Variants in ZNF367 observed in about 807,000 individuals in gnomAD.
The protein encoded by ZNF367 is C2H2 zinc finger protein ZFF29.
ZNF367 carries 11 observed loss-of-function variants against 31.8 expected under a neutral mutation model. The ratio of observed to expected loss-of-function variants is 0.35; its 90% CI spans 0.22 to 0.57. The LOEUF (loss-of-function observed/expected upper bound fraction) is 0.57, where lower values mean the gene tolerates loss of function less well. ZNF367 is among the 20% of genes least tolerant of loss of function. The pLI is 0.85. For synonymous variants in ZNF367, 199 were observed against 202.4 expected (o/e 0.98, Z 0.14); for missense variants, 353 against 484.1 (o/e 0.73, Z 2.54).
rs1831559702 is a variant in ZNF367, at chr9:96,398,282, A to G, written c.453T>C (p.Asp151=). 4 of 1,613,660 alleles carry G rather than the reference A, an allele frequency of 2.5e-6. No homozygotes were observed. The highest frequency in any genetic ancestry group is 1.1e-5 in the South Asian group (1 of 91,016). The change falls in exon 2 of 5, where the codon GAT becomes GAC. Residue 151 remains aspartate, a synonymous_variant. Coordinates refer to ENST00000375256, the MANE Select transcript of ZNF367 (RefSeq NM_153695.4). ...CTTCATTTATTAAATCGCGGACAGT[A>G]TCTGCTCTGGGCCTACCACGTCGGA... is the stretch of plus-strand genomic sequence containing the variant. ...DGIRRGRPRA[D]TVRDLINEGE...
rs796791097 is a variant in ZNF367 at position 96,416,072 on chromosome 9, G to GT, written c.420+1540dup. Among the ~76,000 whole-genome samples, 754 of 139,466 alleles carry GT rather than the reference G, an allele frequency of 5.4e-3. 4 individuals are homozygous for GT. The highest frequency in any genetic ancestry group is 9.6e-3 in the African/African-American group (363 of 37,830). 91.5% of individuals were successfully genotyped at this position (139,466 alleles called of 152,430 possible). A position where few individuals can be genotyped will look rare whatever the true frequency, so the allele number is the denominator to read the frequency against. On this transcript the variant is annotated intron_variant, in intron 1 of 4. Coordinates refer to ENST00000375256, the MANE Select transcript of ZNF367 (RefSeq NM_153695.4). ...AGCCACCTCACCAGGCTCTGTTATGGTTTTTTTTTTTGTTGTTTTTTTTTT... is the reference window on the plus strand; with the variant it reads ...AGCCACCTCACCAGGCTCTGTTATGGTTTTTTTTTTTTGTTGTTTTTTTTTT...
At position 96,387,248 on chromosome 9, in the gene ZNF367, C is replaced by G. The variant is rs1831416632; in HGVS notation, c.*989G>C. The G allele has an allele frequency of 1.3e-5, 2 of 152,120 alleles. No individual in the cohort carries two copies. The highest frequency in any genetic ancestry group is 1.3e-4 in the Admixed American group (2 of 15,270). 9.4% of individuals were successfully genotyped at this position (152,120 alleles called of 1,614,324 possible). On this transcript the variant is annotated 3_prime_UTR_variant, in exon 5 of 5. Coordinates refer to ENST00000375256, the MANE Select transcript of ZNF367 (RefSeq NM_153695.4). The stretch of plus-strand genomic sequence containing the variant: ...ACTCTGAAGTAAAGCAAGAAGGTGG[C>G]TTTATGCACTGAAAATATAAATATG...
intron 1 of ZNF367, among the ~76,000 whole-genome samples, chr9:96,410,054 T>G (rs13302443): frequency 0.025 from 3,844 of 151,554 alleles, 70 homozygotes; most frequent in Middle Eastern, 0.055. Flanking sequence ...GGTGGGTGGA[T>G]CACGAGGTCA....
At chr9:96,390,499 C>T (rs1831459575) in intron 4 of ZNF367, among the ~76,000 whole-genome samples, 1 of 152,098 alleles carries the variant, frequency 6.6e-6, no homozygotes, top group Non-Finnish European at 1.5e-5. Flanking sequence ...CCTCTGGCAG[C>T]AGCATGGAAA....
chr9:96,415,398 T>C (rs1831807896), intron 1 of ZNF367, among the ~76,000 whole-genome samples: 1 of 148,284 alleles, frequency 6.7e-6, no homozygotes, highest in South Asian at 2.1e-4. Flanking sequence ...CACTAGGGGA[T>C]ACCTAGAGGC....
At chr9:96,410,908 A>C (rs112548598) in intron 1 of ZNF367, among the ~76,000 whole-genome samples, 4 of 151,460 alleles carry the variant, frequency 2.6e-5, no homozygotes, top group African/African-American at 9.7e-5. Flanking sequence ...AACAAAAAAA[A>C]CATAGTGGCT....
At chr9:96,403,290 T>C (rs1212266115) in intron 1 of ZNF367, among the ~76,000 whole-genome samples, 1 of 152,084 alleles carries the variant, frequency 6.6e-6, no homozygotes, top group African/African-American at 2.4e-5. Context: ...AAATAGCCGA[T>C]GGGTCAAAGA....
At chr9:96,407,194 G>A (rs1403419406) in intron 1 of ZNF367, 8 of 699,724 alleles carry the variant, frequency 1.1e-5, no homozygotes, top group Admixed American at 9.3e-5. Flanking sequence ...CCCGGCCTGC[G>A]TGGCGTGGGC....
chr9:96,416,170 C>A (rs1473021176), intron 1 of ZNF367, among the ~76,000 whole-genome samples: 1 of 149,394 alleles, frequency 6.7e-6, no homozygotes, highest in Non-Finnish European at 1.5e-5. Flanking sequence ...TCCCTGCAAG[C>A]TCCGCCTCCC....
At chr9:96,414,901 A>G (rs912536599) in intron 1 of ZNF367, among the ~76,000 whole-genome samples, 1 of 152,222 alleles carries the variant, frequency 6.6e-6, no homozygotes, top group Non-Finnish European at 1.5e-5. Context: ...AGATTAATCT[A>G]TAAGAATAAA....
chr9:96,386,138 AGTATATAGC>A lies in ZNF367; in HGVS notation c.*2090_*2098del, dbSNP rs1831407001. ...TTTTAGATACCAATGTATTTTTCCA[AGTATATAGC>A]TTATATCAAAAAGAACATTTTAAAT... On this transcript the variant is annotated 3_prime_UTR_variant, in exon 5 of 5. Coordinates refer to ENST00000375256, the MANE Select transcript of ZNF367 (RefSeq NM_153695.4). 1 of 152,180 alleles carries A rather than the reference AGTATATAGC, an allele frequency of 6.6e-6. No homozygotes were observed. The allele number at this position is 152,180 out of a possible 1,614,324, so 9.4% of individuals were successfully genotyped here.
At chr9:96,388,729 C>G (rs746513423) in intron 4 of ZNF367, among the ~76,000 whole-genome samples, 14 of 152,128 alleles carry the variant, frequency 9.2e-5, no homozygotes, top group Non-Finnish European at 1.5e-4. Context: ...AAACTATCAC[C>G]GCCTTAAAGA....
In ZNF367 at chr9:96,417,565, GC is replaced by G. The variant is rs1831849005; in HGVS notation, c.420+47del. The G allele has an allele frequency of 8.5e-6, 3 of 350,976 alleles. No homozygotes were observed. Among genetic ancestry groups the G allele is most frequent in the East Asian group, 4.6e-5 (1 of 21,862 alleles). The allele number at this position is 350,976 out of a possible 1,614,324, so 21.7% of individuals were successfully genotyped here. On this transcript the variant is annotated intron_variant, in intron 1 of 4. Coordinates refer to ENST00000375256, the MANE Select transcript of ZNF367 (RefSeq NM_153695.4). This position sits in a 1 kb window ranked among gnomAD's most constrained non-coding sequence, Gnocchi z 5.0. ...GCCCCGCCCGCCGCACCGTTAACGG[GC>G]CCCGGCTGCCCCACGTCCCGCCCGC...
intron 4 of ZNF367, among the ~76,000 whole-genome samples, chr9:96,391,311 A>G (rs1831469520): frequency 1.3e-5 from 2 of 152,214 alleles, no homozygotes; most frequent in Non-Finnish European, 2.9e-5. Flanking sequence ...GAAAAGGAAA[A>G]TGAAAGCATC....
intron 1 of ZNF367, among the ~76,000 whole-genome samples, chr9:96,407,116 T>C (rs1831680627): frequency 6.6e-6 from 1 of 151,434 alleles, no homozygotes; most frequent in African/African-American, 2.4e-5. Context: ...GGCCGGAAGT[T>C]AGAGACCAAC....
intron 3 of ZNF367, among the ~76,000 whole-genome samples, chr9:96,392,797 C>G (rs942323113): frequency 2.0e-5 from 3 of 152,176 alleles, no homozygotes; most frequent in Non-Finnish European, 4.4e-5. Context: ...TCAAAATGTT[C>G]AAAATGGCAG....
At chr9:96,394,712 T>C in intron 3 of ZNF367, 111 bp downstream of exon 3, 1 of 1,012,382 alleles carries the variant, frequency 9.9e-7, no homozygotes, top group Non-Finnish European at 1.4e-6. Flanking sequence ...TTATAAAGTT[T>C]TATAAAATTT....
At position 96,386,286 on chromosome 9, in the gene ZNF367, C is replaced by G. The variant is rs1230502318; in HGVS notation, c.*1951G>C. On this transcript the variant is annotated 3_prime_UTR_variant, in exon 5 of 5. Coordinates refer to ENST00000375256, the MANE Select transcript of ZNF367 (RefSeq NM_153695.4). Reference sequence around the variant, plus strand: ...CTGACTGGAGAAACAAGGAAAAACCCTTACTTTTGAAGGCCTTAAATGTTA... The same window carrying G: ...CTGACTGGAGAAACAAGGAAAAACCGTTACTTTTGAAGGCCTTAAATGTTA... The G allele has an allele frequency of 6.6e-6, 1 of 152,058 alleles. No homozygotes were observed. The highest frequency in any genetic ancestry group is 6.6e-5 in the Admixed American group (1 of 15,266). 9.4% of individuals were successfully genotyped at this position (152,058 alleles called of 1,614,324 possible).
Position 96,392,677 on chromosome 9 carries a change from T to A in ZNF367, c.692-141A>T, listed in dbSNP as rs1587741802. 15 of 1,287,392 alleles carry A rather than the reference T, an allele frequency of 1.2e-5. No homozygotes were observed. In the East Asian group the frequency reaches 3.4e-4, roughly 30 times the overall value. The allele number at this position is 1,287,392 out of a possible 1,614,324, so 79.7% of individuals were successfully genotyped here. ...ATCTATAATTTGGAGGAGAAAACAATCAAACCAGCACAGTCTCATCAGTGC... is the reference window on the plus strand; with the variant it reads ...ATCTATAATTTGGAGGAGAAAACAAACAAACCAGCACAGTCTCATCAGTGC... On this transcript the variant is annotated intron_variant, in intron 3 of 4. Coordinates refer to ENST00000375256, the MANE Select transcript of ZNF367 (RefSeq NM_153695.4).
Sources: gnomAD v4.1 joint callset for allele counts (sites outside exome capture counted in the v4.1 genomes callset) on GRCh38, gnomAD v4.1.1 for gene constraint, Gnocchi (gnomAD v3.1) non-coding constraint, MANE v1.5 for transcripts, NCBI Gene and HGNC (gene_info 2026-07-23, HGNC 2026-07-21) for gene names.